TNNI3K: variants seen among roughly 807,000 people sequenced by gnomAD.
TNNI3K encodes the protein serine/threonine-protein kinase TNNI3K.
A neutral mutation model predicts 114.5 loss-of-function variants in TNNI3K; 140 were observed. The observed-to-expected ratio is 1.22, with a 90% confidence interval of 1.07 to 1.41. TNNI3K has a LOEUF of 1.41. Among genes scored for constraint, TNNI3K ranks in the 40% most tolerant of loss-of-function variants. The probability of loss-of-function intolerance (pLI) is 0.00; values close to 1 mark genes in which losing one functional copy is unlikely to be tolerated. For synonymous variants in TNNI3K, 347 were observed against 347.5 expected (o/e 1.00, Z 0.02); for missense variants, 1,125 against 1,007.6 (o/e 1.12, Z -1.58).
intron 17 of TNNI3K, among the ~76,000 whole-genome samples, chr1:74,409,496 T>C (rs150687389): frequency 3.3e-4 from 46 of 139,040 alleles, no homozygotes; most frequent in Middle Eastern, 3.7e-3. Context: ...TTGTTTCTTT[T>C]TTTTTTTTTT....
chr1:74,528,575 T>G (rs1646538307), intron 23 of TNNI3K, among the ~76,000 whole-genome samples: 1 of 152,132 alleles, frequency 6.6e-6, no homozygotes, highest in Admixed American at 6.5e-5. Context: ...TTTAGGATAA[T>G]GGGAGCTAGG....
At chr1:74,334,624 T>A (rs1191539161) in intron 6 of TNNI3K, among the ~76,000 whole-genome samples, 2 of 152,176 alleles carry the variant, frequency 1.3e-5, no homozygotes, top group African/African-American at 4.8e-5. Context: ...CCTGAAACAA[T>A]CGCAGGAAGA....
At chr1:74,514,868 G>T (rs1034010202) in intron 23 of TNNI3K, among the ~76,000 whole-genome samples, 1 of 152,162 alleles carries the variant, frequency 6.6e-6, no homozygotes, top group Non-Finnish European at 1.5e-5. Flanking sequence ...CAGGGTTGTT[G>T]CAGATGTGAG....
At chr1:74,483,115 C>T in intron 21 of TNNI3K, 1 of 464,974 alleles carries the variant, frequency 2.2e-6, no homozygotes, top group South Asian at 4.7e-5. Flanking sequence ...AAAATATTGC[C>T]AGTCTCTTTA....
At chr1:74,371,170 A>G (rs1428629398) in intron 17 of TNNI3K, 1 of 151,886 alleles carries the variant, frequency 6.6e-6, no homozygotes, top group Non-Finnish European at 1.5e-5. Flanking sequence ...GATAGTCAAT[A>G]AGATTCAAAT....
At chr1:74,329,766 G>A (rs1660100697) in intron 5 of TNNI3K, among the ~76,000 whole-genome samples, 1 of 151,922 alleles carries the variant, frequency 6.6e-6, no homozygotes, top group Non-Finnish European at 1.5e-5. Flanking sequence ...CTTAATTCCT[G>A]GTTCTCCATT....
intron 5 of TNNI3K, among the ~76,000 whole-genome samples, chr1:74,313,240 A>T (rs1659099672): frequency 6.6e-6 from 1 of 152,144 alleles, no homozygotes; most frequent in South Asian, 2.1e-4. Context: ...TTTGCTCCAT[A>T]ACATGCGATT....
chr1:74,508,060 C>T (rs1022722856), intron 23 of TNNI3K, among the ~76,000 whole-genome samples: 4 of 152,160 alleles, frequency 2.6e-5, no homozygotes, highest in Non-Finnish European at 5.9e-5. Flanking sequence ...GACGGGCACA[C>T]GACTCTAGTG....
chr1:74,377,726 G>A (rs1167841350), intron 17 of TNNI3K, among the ~76,000 whole-genome samples: 1 of 151,826 alleles, frequency 6.6e-6, no homozygotes, highest in African/African-American at 2.4e-5. Flanking sequence ...GGCTATCTGT[G>A]TAGATTCTAC....
At chr1:74,377,758 T>C (rs548438711) in intron 17 of TNNI3K, among the ~76,000 whole-genome samples, 58 of 151,588 alleles carry the variant, frequency 3.8e-4, no homozygotes, top group African/African-American at 1.4e-3. Flanking sequence ...CTTTCTGATA[T>C]CACCCACGAA....
chr1:74,525,119 T>C (rs45513602), intron 23 of TNNI3K, among the ~76,000 whole-genome samples: 3,428 of 152,156 alleles, frequency 0.023, 62 homozygotes, highest in Middle Eastern at 0.088. Flanking sequence ...TAACCAAGTA[T>C]TGGGGAGAGA....
chr1:74,270,031 AT>A lies in TNNI3K; in HGVS notation c.334-1566del, dbSNP rs1656245471. ...AATGACTACAAGGACACTGGATTTG[AT>A]AGTTTACCTTTAGAAATTGAAGAAG... is the stretch of plus-strand genomic sequence containing the variant. On this transcript the variant is annotated intron_variant, in intron 4 of 24. Coordinates refer to ENST00000326637, the MANE Select transcript of TNNI3K (RefSeq NM_015978.3). 3.3e-5 allele frequency among the ~76,000 whole-genome samples: 5 copies of A among 151,984 alleles called. No homozygotes were observed. The South Asian group carries it at 6.2e-4, about 19-fold the overall frequency.
rs776743550 is a variant in TNNI3K at position 74,252,509 on chromosome 1, T to C, written c.333+1740T>C. Among the ~76,000 whole-genome samples, 6 of 152,350 alleles carry C rather than the reference T, an allele frequency of 3.9e-5. No homozygotes were observed. The Middle Eastern group carries it at 0.02, about 518-fold the overall frequency. On this transcript the variant is annotated intron_variant, in intron 4 of 24. Coordinates refer to ENST00000326637, the MANE Select transcript of TNNI3K (RefSeq NM_015978.3). ...TTGTGTGTCCAGAATTGGTGGATTC[T>C]TGGTCTCACTCACTTCAAGAATGAA...
chr1:74,377,545 A>T (rs74096738), intron 17 of TNNI3K, among the ~76,000 whole-genome samples: 10,443 of 152,154 alleles, frequency 0.069, 429 homozygotes, highest in African/African-American at 0.11. Flanking sequence ...TAAGTACTAT[A>T]TATCCATATA....
intron 17 of TNNI3K, among the ~76,000 whole-genome samples, chr1:74,389,401 G>A (rs75575751): frequency 0.016 from 2,498 of 152,250 alleles, 67 homozygotes; most frequent in African/African-American, 0.058. Flanking sequence ...CATTTTGTTT[G>A]AAATGCCAGC....
At chr1:74,519,205 T>C (rs1219879989) in intron 23 of TNNI3K, among the ~76,000 whole-genome samples, 1 of 89,982 alleles carries the variant, frequency 1.1e-5, no homozygotes, top group African/African-American at 5.5e-5. Context: ...CTACAAAGGA[T>C]ATGAACTCAT....
intron 5 of TNNI3K, among the ~76,000 whole-genome samples, chr1:74,324,696 C>T (rs145708004): frequency 6.6e-6 from 1 of 152,068 alleles, no homozygotes; most frequent in Non-Finnish European, 1.5e-5. Flanking sequence ...ACGTGGGGAG[C>T]AAGAGAGAGA....
intron 17 of TNNI3K, among the ~76,000 whole-genome samples, chr1:74,379,729 T>C (rs1007494218): frequency 6.6e-6 from 1 of 152,118 alleles, no homozygotes; most frequent in Non-Finnish European, 1.5e-5. Flanking sequence ...GCTCATAGTT[T>C]CCAGAGGGCC....
intron 5 of TNNI3K, among the ~76,000 whole-genome samples, chr1:74,295,862 A>G (rs1200888909): frequency 1.3e-5 from 2 of 152,062 alleles, no homozygotes; most frequent in South Asian, 2.1e-4. Flanking sequence ...ATATTGTTTT[A>G]TTACTTGATT....
Sources: allele counts gnomAD v4.1 joint callset (sites outside exome capture counted in the v4.1 genomes callset), GRCh38; gene constraint gnomAD v4.1.1; transcripts MANE v1.5; gene names NCBI Gene and HGNC (gene_info 2026-07-23, HGNC 2026-07-21).